KCNN2: variants seen among roughly 807,000 people sequenced by gnomAD.
The protein encoded by KCNN2 is potassium calcium-activated channel subfamily N member 2.
A neutral mutation model predicts 55.5 loss-of-function variants in KCNN2; 24 were observed. The observed-to-expected ratio is 0.43, with a 90% CI of 0.31 to 0.61. The LOEUF is 0.61. Ranked by LOEUF, KCNN2 falls within the 20% of genes least tolerant of loss-of-function variation. The probability of loss-of-function intolerance (pLI) is 0.08; values close to 1 mark genes in which losing one functional copy is unlikely to be tolerated. For missense variants in KCNN2, 754 were observed against 853.6 expected (o/e 0.88, Z 1.45); for synonymous variants, 431 against 336.1 (o/e 1.28, Z -3.09).
At chr5:114,181,820 C>T (rs1272845244) in intron 1 of KCNN2, among the ~76,000 whole-genome samples, 1 of 152,042 alleles carries the variant, frequency 6.6e-6, no homozygotes, top group Non-Finnish European at 1.5e-5. Flanking sequence ...AGTTCGAGAC[C>T]AGCCTGGCCA....
chr5:114,155,983 A>T (rs1449389208), intron 1 of KCNN2, among the ~76,000 whole-genome samples: 1 of 152,142 alleles, frequency 6.6e-6, no homozygotes, highest in Admixed American at 6.5e-5. Flanking sequence ...AGTATTACCT[A>T]GGTTGTCTTC....
intron 3 of KCNN2, among the ~76,000 whole-genome samples, chr5:114,433,197 T>C (rs1312280616): frequency 6.6e-6 from 1 of 152,126 alleles, no homozygotes; most frequent in Non-Finnish European, 1.5e-5. Context: ...GGATTGTAAA[T>C]ACACCAATTG....
chr5:114,323,167 G>T (rs1756645487), intron 2 of KCNN2, among the ~76,000 whole-genome samples: 1 of 152,152 alleles, frequency 6.6e-6, no homozygotes, highest in African/African-American at 2.4e-5. Context: ...TACATTACAG[G>T]TACCTAATTT....
intron 3 of KCNN2, among the ~76,000 whole-genome samples, chr5:114,452,354 T>TG (rs959268376): frequency 6.6e-6 from 1 of 152,198 alleles, no homozygotes; most frequent in African/African-American, 2.4e-5. Flanking sequence ...TTCAATCTGT[T>TG]GCATATATTT....
intron 2 of KCNN2, among the ~76,000 whole-genome samples, chr5:114,241,543 T>G (rs1040235517): frequency 3.3e-5 from 5 of 151,250 alleles, no homozygotes; most frequent in African/African-American, 1.2e-4. Flanking sequence ...AAAATTTAAT[T>G]CACCTTTTAA....
At chr5:114,297,905 C>A (rs1259824669) in intron 2 of KCNN2, among the ~76,000 whole-genome samples, 1 of 152,048 alleles carries the variant, frequency 6.6e-6, no homozygotes, top group Non-Finnish European at 1.5e-5. Flanking sequence ...CAGATTATTT[C>A]CCCTGTGTCT....
intron 2 of KCNN2, among the ~76,000 whole-genome samples, chr5:114,306,575 T>C (rs1282744672): frequency 6.6e-6 from 1 of 152,130 alleles, no homozygotes; most frequent in Non-Finnish European, 1.5e-5. Flanking sequence ...TGTAGCTCAA[T>C]TATACTTTTA....
At chr5:114,489,384 A>AG (rs773184942) in intron 6 of KCNN2, among the ~76,000 whole-genome samples, 1 of 152,128 alleles carries the variant, frequency 6.6e-6, no homozygotes, top group East Asian at 1.9e-4. Context: ...CCCTTTCTTA[A>AG]GGGTGGGTAC....
At chr5:114,358,147 A>G (rs1000255513), upstream of KCNN2, among the ~76,000 whole-genome samples, 30 of 152,072 alleles carry the variant, frequency 2.0e-4, no homozygotes, top group Admixed American at 1.1e-3. Flanking sequence ...GCACAGCAAA[A>G]GAAACTACCA....
intron 1 of KCNN2, among the ~76,000 whole-genome samples, chr5:114,097,179 C>A (rs1751275061): frequency 6.6e-6 from 1 of 152,106 alleles, no homozygotes; most frequent in Non-Finnish European, 1.5e-5. Flanking sequence ...TATGAAAGTT[C>A]TTTTTCTTGT....
chr5:114,461,599 A>C (rs1173713222), intron 3 of KCNN2, among the ~76,000 whole-genome samples: 1 of 152,194 alleles, frequency 6.6e-6, no homozygotes, highest in Non-Finnish European at 1.5e-5. Context: ...ATGTGATAAG[A>C]ATGGGTCTCT....
At chr5:114,208,745 TA>T (rs1753820663) in intron 1 of KCNN2, among the ~76,000 whole-genome samples, 2 of 152,180 alleles carry the variant, frequency 1.3e-5, no homozygotes, top group African/African-American at 4.8e-5. Flanking sequence ...CCGTTCCACT[TA>T]ATACGCTGCA....
intron 5 of KCNN2, among the ~76,000 whole-genome samples, chr5:114,482,995 A>G (rs1330870208): frequency 6.6e-6 from 1 of 151,986 alleles, no homozygotes; most frequent in Non-Finnish European, 1.5e-5. Context: ...GTTTACCTAT[A>G]TAACATATCT....
intron 1 of KCNN2, among the ~76,000 whole-genome samples, chr5:114,166,240 T>C (rs1411523423): frequency 6.6e-6 from 1 of 152,138 alleles, no homozygotes; most frequent in East Asian, 1.9e-4. Flanking sequence ...CTTTTGCATC[T>C]GGCAAAGCCT....
At chr5:114,160,788 T>C (rs1364835290) in intron 1 of KCNN2, among the ~76,000 whole-genome samples, 1 of 149,962 alleles carries the variant, frequency 6.7e-6, no homozygotes, top group Non-Finnish European at 1.5e-5. Flanking sequence ...TGATCTTTGT[T>C]GGTTTAAAGT....
At chr5:114,296,028 A>G (rs4705659) in intron 2 of KCNN2, among the ~76,000 whole-genome samples, 39,843 of 152,062 alleles carry the variant, frequency 0.26, 5,661 homozygotes, top group African/African-American at 0.38. Flanking sequence ...ATTGGTATTA[A>G]CAAAAATAAA....
intron 1 of KCNN2, among the ~76,000 whole-genome samples, chr5:114,211,541 C>A (rs1753886034): frequency 6.6e-6 from 1 of 152,030 alleles, no homozygotes; most frequent in Non-Finnish European, 1.5e-5. Context: ...AGGGGAACAA[C>A]AGACTCTGGG....
chr5:114,229,057 A>C (rs1371301904), intron 2 of KCNN2, among the ~76,000 whole-genome samples: 1 of 151,984 alleles, frequency 6.6e-6, no homozygotes, highest in African/African-American at 2.4e-5. Context: ...GTTAGGTTAA[A>C]TTAAAGGATG....
intron 1 of KCNN2, among the ~76,000 whole-genome samples, chr5:114,152,707 T>A (rs1443996477): frequency 6.6e-6 from 1 of 152,120 alleles, no homozygotes. Context: ...ATGGTCAGGG[T>A]AGCTATCTCT....
Sources: allele counts gnomAD v4.1 joint callset (sites outside exome capture counted in the v4.1 genomes callset), GRCh38; gene constraint gnomAD v4.1.1; transcripts MANE v1.5; gene names NCBI Gene and HGNC (gene_info 2026-07-23, HGNC 2026-07-21).